Variants in IFT74 observed in about 807,000 individuals in gnomAD.
IFT74 encodes the protein intraflagellar transport 74.
A neutral mutation model predicts 96.7 loss-of-function variants in IFT74; 92 were observed. The observed-to-expected ratio is 0.95, with a 90% CI of 0.80 to 1.13. The LOEUF (loss-of-function observed/expected upper bound fraction) is 1.13, where lower values mean the gene tolerates loss of function less well. IFT74 is among the 50% of genes most tolerant of loss of function. IFT74 has a pLI of 0.00. For missense variants in IFT74, 811 were observed against 698.2 expected, an observed-to-expected ratio of 1.16 and a Z score of -1.82; for synonymous variants, 223 against 213.2, an observed-to-expected ratio of 1.05 and a Z score of -0.40.
intron 1 of IFT74, among the ~76,000 whole-genome samples, chr9:26,948,334 G>A (rs3758218): frequency 0.32 from 48,965 of 151,126 alleles, 9,196 homozygotes; most frequent in East Asian, 0.69. Flanking sequence ...ACATTTCTCT[G>A]GCCTTTCTAC....
intron 6 of IFT74, among the ~76,000 whole-genome samples, chr9:26,986,378 C>T (rs1246548823): frequency 6.6e-6 from 1 of 150,712 alleles, no homozygotes; most frequent in Non-Finnish European, 1.5e-5. Context: ...TGCAGTGGCT[C>T]AATCATGGCT....
At chr9:26,962,198 T>A in intron 2 of IFT74, 111 bp downstream of exon 2, 1 of 949,552 alleles carries the variant, frequency 1.1e-6, no homozygotes, top group African/African-American at 1.7e-5. Context: ...ACCCCAGTTT[T>A]TGAGTTTTTG....
At chr9:26,961,083 G>GTTTT (rs1349288699) in intron 1 of IFT74, among the ~76,000 whole-genome samples, 4 of 118,506 alleles carry the variant, frequency 3.4e-5, no homozygotes, top group Non-Finnish European at 5.3e-5. Context: ...AGTGAATCTT[G>GTTTT]TTTTTTTTTT....
chr9:27,009,733 CTTAATAAACAGCTAACCTTT>C (rs1483891983), intron 9 of IFT74, among the ~76,000 whole-genome samples: 10 of 151,600 alleles, frequency 6.6e-5, no homozygotes, highest in African/African-American at 2.4e-4. Flanking sequence ...TTCCTTCCTG[CTTAATAAACAGCTAACCTTT>C]TTACCTGTTA....
intron 19 of IFT74, among the ~76,000 whole-genome samples, chr9:27,061,219 G>A (rs1373089488): frequency 6.6e-6 from 1 of 152,034 alleles, no homozygotes; most frequent in Admixed American, 6.6e-5. Flanking sequence ...TTTGGGAGTT[G>A]CCAAAAAAGG....
intron 12 of IFT74, among the ~76,000 whole-genome samples, chr9:27,024,678 A>G (rs1299107233): frequency 2.6e-5 from 4 of 152,180 alleles, no homozygotes; most frequent in African/African-American, 9.7e-5. Context: ...CTCTGAATTG[A>G]CAGAAAAAGA....
chr9:27,017,120 A>C (rs767348360), intron 11 of IFT74, 70 bp downstream of exon 11: 139 of 1,308,174 alleles, frequency 1.1e-4, no homozygotes, highest in Non-Finnish European at 1.4e-4. Flanking sequence ...TTTTTTTTAA[A>C]GGGATATTAA....
At chr9:26,969,549 T>A (rs931273599) in intron 2 of IFT74, among the ~76,000 whole-genome samples, 1 of 152,146 alleles carries the variant, frequency 6.6e-6, no homozygotes, top group African/African-American at 2.4e-5. Flanking sequence ...TAAGTGAATA[T>A]TTCAATTCAT....
chr9:26,968,691 T>A (rs1563939534), intron 2 of IFT74, among the ~76,000 whole-genome samples: 1 of 152,228 alleles, frequency 6.6e-6, no homozygotes, highest in Non-Finnish European at 1.5e-5. Context: ...ATTTTCCAAC[T>A]TATTGGCATA....
intron 15 of IFT74, among the ~76,000 whole-genome samples, chr9:27,047,848 C>T (rs1378722339): frequency 1.3e-5 from 2 of 151,984 alleles, no homozygotes; most frequent in Non-Finnish European, 2.9e-5. Flanking sequence ...GCATGCCCCC[C>T]TTTCAATATT....
intron 16 of IFT74, among the ~76,000 whole-genome samples, chr9:27,053,102 A>T (rs1820005294): frequency 7.1e-6 from 1 of 141,752 alleles, no homozygotes; most frequent in Non-Finnish European, 1.5e-5. Context: ...TGACCTCGTG[A>T]TCCGCCCGCC....
intron 7 of IFT74, among the ~76,000 whole-genome samples, chr9:26,989,702 G>A (rs1360417149): frequency 1.3e-5 from 2 of 152,102 alleles, no homozygotes; most frequent in African/African-American, 4.8e-5. Context: ...GGGATGGGGG[G>A]TCTGTTTTCT....
At chr9:27,037,996 G>A (rs527971806) in intron 13 of IFT74, among the ~76,000 whole-genome samples, 1 of 152,168 alleles carries the variant, frequency 6.6e-6, no homozygotes, top group Non-Finnish European at 1.5e-5. Flanking sequence ...CCATTTGATC[G>A]AGGCATCAGC....
At chr9:26,987,509 A>G in intron 6 of IFT74, among the ~76,000 whole-genome samples, 1 of 152,232 alleles carries the variant, frequency 6.6e-6, no homozygotes, top group East Asian at 1.9e-4. Flanking sequence ...CTATTTATAG[A>G]TTTAATGAGC....
At chr9:26,972,289 G>T (rs1826913866) in intron 2 of IFT74, among the ~76,000 whole-genome samples, 1 of 152,058 alleles carries the variant, frequency 6.6e-6, no homozygotes, top group African/African-American at 2.4e-5. Flanking sequence ...TTCTAACTTG[G>T]TGGGGCGTGC....
chr9:27,058,649 A>G (rs1312874594), intron 18 of IFT74, among the ~76,000 whole-genome samples: 1 of 152,184 alleles, frequency 6.6e-6, no homozygotes, highest in African/African-American at 2.4e-5. Context: ...CGGCCTCCCA[A>G]AGTGCTGGGA....
At chr9:27,038,281 G>T (rs1304986156) in intron 13 of IFT74, among the ~76,000 whole-genome samples, 1 of 151,674 alleles carries the variant, frequency 6.6e-6, no homozygotes, top group Non-Finnish European at 1.5e-5. Context: ...TGTTTTTTTT[G>T]AGTTAGAGTC....
chr9:26,982,335 G>A (rs1001728512), intron 4 of IFT74: 7 of 439,320 alleles, frequency 1.6e-5, no homozygotes, highest in Admixed American at 4.9e-5. Context: ...GGGATCTCAC[G>A]TCACTGCAAC....
intron 8 of IFT74, 152 bp from the exon 9 acceptor site, chr9:27,008,868 A>G (rs1563970238): frequency 1.8e-6 from 1 of 567,934 alleles, no homozygotes; most frequent in African/African-American, 1.9e-5. Context: ...GTCAAATAGC[A>G]TTTTTTAGTA....
Sources: allele counts gnomAD v4.1 joint callset (sites outside exome capture counted in the v4.1 genomes callset), GRCh38; gene constraint gnomAD v4.1.1; transcripts MANE v1.5; gene names NCBI Gene and HGNC (gene_info 2026-07-23, HGNC 2026-07-21).